Variants in ANKS1B observed in about 807,000 individuals in gnomAD.
ANKS1B encodes ankyrin repeat and sterile alpha motif domain containing 1B, also known as ankyrin repeat and sterile alpha motif domain-containing protein 1B.
Under a neutral mutation model 148.3 loss-of-function variants are expected in ANKS1B, and 36 were observed. That is an observed-to-expected ratio of 0.24 (90% CI 0.19 to 0.32). ANKS1B has a LOEUF of 0.32. ANKS1B is among the 10% of genes least tolerant of loss of function. The pLI is 1.00. For synonymous variants in ANKS1B, 542 were observed against 560.8 expected, an observed-to-expected ratio of 0.97 and a Z score of 0.47; for missense variants, 1,157 against 1,542.6, an observed-to-expected ratio of 0.75 and a Z score of 4.19.
intron 16 of ANKS1B, among the ~76,000 whole-genome samples, chr12:99,056,950 C>T (rs2040402370): frequency 6.6e-6 from 1 of 152,148 alleles, no homozygotes; most frequent in African/African-American, 2.4e-5. Context: ...AAAACAGGCT[C>T]TCTTCCTCTT....
intron 17 of ANKS1B, among the ~76,000 whole-genome samples, chr12:98,954,165 A>T (rs2099858613): frequency 6.6e-6 from 1 of 152,224 alleles, no homozygotes; most frequent in Non-Finnish European, 1.5e-5. Flanking sequence ...TCCCATTTAG[A>T]TACTTAGATA....
At chr12:99,559,272 A>G (rs1486151929) in intron 9 of ANKS1B, among the ~76,000 whole-genome samples, 4 of 152,300 alleles carry the variant, frequency 2.6e-5, no homozygotes, top group Non-Finnish European at 5.9e-5. Flanking sequence ...TCAGATCTTC[A>G]TTGAGACTTC....
chr12:98,806,610 T>C (rs2099052903), intron 20 of ANKS1B, among the ~76,000 whole-genome samples: 1 of 152,222 alleles, frequency 6.6e-6, no homozygotes, highest in Non-Finnish European at 1.5e-5. Flanking sequence ...TATACACAGC[T>C]CTATGCTTAT....
chr12:99,559,448 A>G (rs1476178593), intron 9 of ANKS1B, among the ~76,000 whole-genome samples: 1 of 152,210 alleles, frequency 6.6e-6, no homozygotes, highest in Non-Finnish European at 1.5e-5. Context: ...CATAAATTCA[A>G]GTATTTATGT....
intron 9 of ANKS1B, among the ~76,000 whole-genome samples, chr12:99,559,953 T>G (rs2097315429): frequency 6.6e-6 from 1 of 152,180 alleles, no homozygotes; most frequent in South Asian, 2.1e-4. Context: ...CCTAAAATAA[T>G]TGTAGAAGAC....
intron 12 of ANKS1B, among the ~76,000 whole-genome samples, chr12:99,278,642 G>A (rs977211666): frequency 6.6e-6 from 1 of 152,124 alleles, no homozygotes; most frequent in Non-Finnish European, 1.5e-5. Context: ...CCCAAGCTGA[G>A]TTAAATATGG....
chr12:98,811,953 A>T (rs1594442396), intron 19 of ANKS1B, among the ~76,000 whole-genome samples: 2 of 152,038 alleles, frequency 1.3e-5, no homozygotes, highest in Non-Finnish European at 2.9e-5. Flanking sequence ...TTATTTCATT[A>T]AAAAAAATCA....
chr12:99,561,047 C>T (rs1367662980), intron 9 of ANKS1B, among the ~76,000 whole-genome samples: 1 of 151,866 alleles, frequency 6.6e-6, no homozygotes, highest in Non-Finnish European at 1.5e-5. Flanking sequence ...GGGTTTTCAC[C>T]GTGTTAGCCA....
intron 10 of ANKS1B, among the ~76,000 whole-genome samples, chr12:99,495,200 C>T (rs1182441102): frequency 2.0e-5 from 3 of 152,116 alleles, no homozygotes; most frequent in South Asian, 2.1e-4. Context: ...GGATAGCATA[C>T]ACGACATCAT....
chr12:99,236,698 T>C (rs905797315), intron 14 of ANKS1B, among the ~76,000 whole-genome samples: 2 of 152,172 alleles, frequency 1.3e-5, no homozygotes, highest in Admixed American at 1.3e-4. Context: ...TCTGATACTA[T>C]GTTGAATAGG....
chr12:98,985,989 T>C (rs2099923111), intron 17 of ANKS1B, among the ~76,000 whole-genome samples: 1 of 152,204 alleles, frequency 6.6e-6, no homozygotes, highest in Non-Finnish European at 1.5e-5. Flanking sequence ...TGAGATATTT[T>C]TTGCTGGTTA....
chr12:99,176,990 A>C (rs973305189), intron 14 of ANKS1B, among the ~76,000 whole-genome samples: 1 of 152,220 alleles, frequency 6.6e-6, no homozygotes, highest in Non-Finnish European at 1.5e-5. Context: ...CTCTGAATGC[A>C]TATTTTCTGC....
At chr12:99,715,547 A>G (rs969529740) in intron 8 of ANKS1B, among the ~76,000 whole-genome samples, 2 of 152,168 alleles carry the variant, frequency 1.3e-5, no homozygotes, top group African/African-American at 4.8e-5. Context: ...TTTATTGCTC[A>G]CACAAAGCCA....
In ANKS1B at chr12:98,774,415, G is replaced by C. The variant is rs1165084206; in HGVS notation, c.3442-1236C>G. 3.9e-5 allele frequency among the ~76,000 whole-genome samples: 6 copies of C among 152,326 alleles called. No individual in the cohort carries two copies. In the South Asian group the frequency reaches 8.3e-4, roughly 21 times the overall value. On this transcript the variant is annotated intron_variant, in intron 24 of 26. Transcript: ENST00000683438. ...CTTCCCTGGTGGGAGAAAGGTTTAA[G>C]TACCATTGTCCTGAAGCACAAAATA... is the stretch of plus-strand genomic sequence containing the variant.
intron 1 of ANKS1B, among the ~76,000 whole-genome samples, chr12:99,936,642 C>T (rs1050027810): frequency 6.6e-6 from 1 of 152,124 alleles, no homozygotes; most frequent in African/African-American, 2.4e-5. Flanking sequence ...TAAACCATTC[C>T]TACCTCTGTT....
intron 1 of ANKS1B, among the ~76,000 whole-genome samples, chr12:99,847,510 C>T (rs1267725265): frequency 1.3e-5 from 2 of 152,164 alleles, no homozygotes; most frequent in African/African-American, 4.8e-5. Context: ...CCAGAAGGAA[C>T]AAATGCCTCA....
chr12:99,713,702 A>G (rs1373998758), intron 8 of ANKS1B, among the ~76,000 whole-genome samples: 1 of 152,086 alleles, frequency 6.6e-6, no homozygotes, highest in African/African-American at 2.4e-5. Context: ...AATATTCTCT[A>G]AGACAATTTA....
rs1221296647 is a variant in ANKS1B at position 98,738,219 on chromosome 12, A to G, written c.691-2585T>C. ...GAAAACCAGAATTTGGGAAATTTTC[A>G]TTTCAATTAAGATTCAGGAAAATGA... On this transcript the variant is annotated intron_variant, in intron 9 of 9. Transcript: ENST00000341752. 2.6e-5 allele frequency among the ~76,000 whole-genome samples: 4 copies of G among 152,250 alleles called. No homozygotes were observed. The South Asian group carries it at 6.2e-4, about 24-fold the overall frequency.
chr12:98,941,485 C>G (rs772304502), intron 17 of ANKS1B, among the ~76,000 whole-genome samples: 7 of 152,248 alleles, frequency 4.6e-5, no homozygotes, highest in Non-Finnish European at 1.0e-4. Flanking sequence ...ATGTATGCAT[C>G]AGCCAACTCA....
Sources: allele counts gnomAD v4.1 joint callset (sites outside exome capture counted in the v4.1 genomes callset), GRCh38; gene constraint gnomAD v4.1.1; transcripts MANE v1.5; gene names NCBI Gene and HGNC (gene_info 2026-07-23, HGNC 2026-07-21).